TOP2B: variants seen among roughly 807,000 people sequenced by gnomAD.
The protein encoded by TOP2B is DNA topoisomerase 2-beta.
A neutral mutation model predicts 193.5 loss-of-function variants in TOP2B; 51 were observed. That is an observed-to-expected ratio of 0.26 (90% CI 0.21 to 0.33). The LOEUF (loss-of-function observed/expected upper bound fraction) is 0.33, where lower values mean the gene tolerates loss of function less well. TOP2B is among the 10% of genes least tolerant of loss of function. TOP2B has a pLI of 1.00. For synonymous variants in TOP2B, 634 were observed against 635.7 expected (o/e 1.00, Z 0.04); for missense variants, 1,378 against 1,909.3 (o/e 0.72, Z 5.19).
rs1334572390 is a variant in TOP2B, at chr3:25,658,060, C to CA, written c.69+6168dup. Among the ~76,000 whole-genome samples, 299 of 44,764 alleles carry CA rather than the reference C, an allele frequency of 6.7e-3. 26 individuals are homozygous for CA. The highest frequency in any genetic ancestry group is 0.032 in the South Asian group (47 of 1,448). 29.4% of individuals were successfully genotyped at this position (44,764 alleles called of 152,430 possible). ...TGGGCGACAGAGCGAGACTCCGTCT[C>CA]AAAAAAAAAAAAAAAAAATTAGCTG... On this transcript the variant is annotated intron_variant, in intron 1 of 35. Transcript: ENST00000264331.
chr3:25,645,309 T>A lies in TOP2B; in HGVS notation c.231A>T (p.Pro77=), dbSNP rs1342458064. The A allele has an allele frequency of 2.5e-6, 4 of 1,578,156 alleles. No homozygotes were observed. The highest frequency in any genetic ancestry group is 2.6e-6 in the Non-Finnish European group (3 of 1,160,694). ...TTTTAGCAATAATTACCTGCGTCAATGGCTCCACTGACCCAATATATGTAT... is the reference window on the plus strand; with the variant it reads ...TTTTAGCAATAATTACCTGCGTCAAAGGCTCCACTGACCCAATATATGTAT... ...RPDTYIGSVE[P]LTQFMWVYDE... The change falls in exon 2 of 36, where the codon CCA becomes CCT. Residue 77 remains proline, a synonymous_variant. Coordinates refer to ENST00000264331, the MANE Select transcript of TOP2B (RefSeq NM_001330700.2).
intron 25 of TOP2B, among the ~76,000 whole-genome samples, chr3:25,616,585 G>A (rs1044519666): frequency 2.6e-5 from 4 of 151,858 alleles, no homozygotes; most frequent in African/African-American, 4.8e-5. Context: ...AGCCAAATAC[G>A]GAATGCTATT....
At chr3:25,656,245 T>G (rs987123677) in intron 1 of TOP2B, among the ~76,000 whole-genome samples, 3 of 152,174 alleles carry the variant, frequency 2.0e-5, no homozygotes, top group Admixed American at 1.3e-4. Flanking sequence ...ACATTATTTA[T>G]AGAATACAAT....
intron 25 of TOP2B, among the ~76,000 whole-genome samples, chr3:25,617,261 GAAAGGCA>G (rs1025814005): frequency 1.8e-4 from 28 of 152,114 alleles, no homozygotes; most frequent in African/African-American, 6.3e-4. Context: ...CGGTGATACA[GAAAGGCA>G]AAAGGCAAGT....
chr3:25,603,742 G>C (rs1432586832), intron 33 of TOP2B, among the ~76,000 whole-genome samples: 1 of 152,204 alleles, frequency 6.6e-6, no homozygotes, highest in Non-Finnish European at 1.5e-5. Context: ...CATCACTCTA[G>C]GAGCTTAATT....
intron 18 of TOP2B, among the ~76,000 whole-genome samples, chr3:25,625,801 G>A (rs903343574): frequency 2.0e-5 from 3 of 152,160 alleles, no homozygotes; most frequent in African/African-American, 7.2e-5. Context: ...GTAAAAACAT[G>A]AGGATGATAA....
chr3:25,608,399 T>G (rs1157322535), intron 30 of TOP2B, among the ~76,000 whole-genome samples: 1 of 152,240 alleles, frequency 6.6e-6, no homozygotes, highest in Non-Finnish European at 1.5e-5. Flanking sequence ...AAGCATTTAA[T>G]GTAATAAACC....
At position 25,618,807 on chromosome 3, in the gene TOP2B, C is replaced by T. The variant is rs766308401; in HGVS notation, c.3106G>A (p.Val1036Met). 1 of 1,610,066 alleles carries T rather than the reference C, an allele frequency of 6.2e-7. No individual in the cohort carries two copies. Residue 1036 changes from valine to methionine, a missense_variant, in exon 24 of 36, where the codon GTG becomes ATG. This residue lies in a region of TOP2B where 379 missense variants were observed against 615.1 expected (regional missense o/e 0.62). Coordinates refer to ENST00000264331, the MANE Select transcript of TOP2B (RefSeq NM_001330700.2). Reference protein sequence around the residue: ...HMGCLKKYETVQDILKEFFDL... With the variant: ...HMGCLKKYETMQDILKEFFDL... ...AAGAATTCTTTCAGAATGTCTTGCA[C>T]AGTTTCATATTTCTTCAGACATCCC...
At position 25,620,701 on chromosome 3, in the gene TOP2B, G is replaced by A; in HGVS notation, c.2843C>T (p.Pro948Leu). The stretch of plus-strand genomic sequence containing the variant: ...ACTGACCTGTGTCCAAGTTCTAACT[G>A]GAAGCTCTGTAATTTCTACTGTGTT... ...DRNTVEITEL[P>L]VRTWTQVYKE... is the part of the protein sequence containing the mutation. The change falls in exon 22 of 36, where the codon CCA becomes CTA. Residue 948 changes from proline to leucine, a missense_variant. Transcript: ENST00000264331. The A allele has an allele frequency of 6.2e-7, 1 of 1,612,400 alleles. No homozygotes were observed. Among genetic ancestry groups the A allele is most frequent in the Non-Finnish European group, 8.5e-7 (1 of 1,179,136 alleles).
chr3:25,649,323 C>T (rs1322197333), intron 1 of TOP2B, among the ~76,000 whole-genome samples: 1 of 151,968 alleles, frequency 6.6e-6, no homozygotes, highest in Non-Finnish European at 1.5e-5. Flanking sequence ...GGAGAAAGAG[C>T]CTATTTGAAG....
In TOP2B at chr3:25,624,816, G is replaced by C; in HGVS notation, c.2225-13C>G. 2 of 1,608,390 alleles carry C rather than the reference G, an allele frequency of 1.2e-6. No individual in the cohort carries two copies. The highest frequency in any genetic ancestry group is 1.7e-6 in the Non-Finnish European group (2 of 1,177,708). On this transcript the variant is annotated splice_polypyrimidine_tract_variant and intron_variant, in intron 18 of 35. Coordinates refer to ENST00000264331, the MANE Select transcript of TOP2B (RefSeq NM_001330700.2). Reference sequence around the variant, plus strand: ...CCAGGTTTAAAGCCTATTTTTAAAAGAGCTCTTTTAAAATGTTACTTCAAG... The same window carrying C: ...CCAGGTTTAAAGCCTATTTTTAAAACAGCTCTTTTAAAATGTTACTTCAAG...
Position 25,628,870 on chromosome 3 carries a change from G to A in TOP2B, c.1883C>T (p.Ala628Val). ...EWKKHIENQKAWKIKYYKGLG... is the reference protein window; with the variant it reads ...EWKKHIENQKVWKIKYYKGLG... ...ACCTTTATAGTACTTTATTTTCCAGGCTTTCTGGTTTTCTATATGTTTTTT... is the reference window on the plus strand; with the variant it reads ...ACCTTTATAGTACTTTATTTTCCAGACTTTCTGGTTTTCTATATGTTTTTT... The change falls in exon 15 of 36, where the codon GCC (alanine) becomes GTC (valine). Residue 628 changes from alanine to valine, a missense_variant. By Grantham distance (64) the Ala-to-Val change is moderately conservative. Coordinates refer to ENST00000264331, the MANE Select transcript of TOP2B (RefSeq NM_001330700.2). 3 of 1,579,504 alleles carry A rather than the reference G, an allele frequency of 1.9e-6. No homozygotes were observed. The highest frequency in any genetic ancestry group is 2.6e-6 in the Non-Finnish European group (3 of 1,163,282).
At chr3:25,638,066 T>C (rs1703152901) in intron 5 of TOP2B, 99 bp downstream of exon 5, 3 of 1,095,188 alleles carry the variant, frequency 2.7e-6, no homozygotes, top group South Asian at 1.6e-5. Context: ...ATTCTGACAA[T>C]GATTTTCTCA....
chr3:25,652,709 T>G (rs977350353), intron 1 of TOP2B, among the ~76,000 whole-genome samples: 1 of 151,698 alleles, frequency 6.6e-6, no homozygotes, highest in African/African-American at 2.4e-5. Flanking sequence ...TCAGTAAAGA[T>G]CTCGAATTAA....
chr3:25,640,869 G>A (rs1031947838), intron 4 of TOP2B, among the ~76,000 whole-genome samples: 5 of 144,018 alleles, frequency 3.5e-5, no homozygotes, highest in Admixed American at 7.3e-5. Flanking sequence ...CAATCCTCCC[G>A]CCTCAGCCTC....
At chr3:25,638,024 C>T in intron 5 of TOP2B, 141 bp downstream of exon 5, 1 of 832,922 alleles carries the variant, frequency 1.2e-6, no homozygotes, top group Non-Finnish European at 1.8e-6. Context: ...ATTACCAAGA[C>T]AATATTTATA....
chr3:25,599,328 T>TG (rs1702024154), intron 35 of TOP2B, 107 bp downstream of exon 35: 1 of 917,184 alleles, frequency 1.1e-6, no homozygotes, highest in East Asian at 2.7e-5. Context: ...TGATACGAGA[T>TG]GCTAGGTGGA....
At chr3:25,642,787 G>A (rs892268778) in intron 3 of TOP2B, among the ~76,000 whole-genome samples, 6 of 152,066 alleles carry the variant, frequency 3.9e-5, no homozygotes, top group African/African-American at 9.7e-5. Context: ...GACTTTATAG[G>A]CATATTGAAT....
intron 1 of TOP2B, among the ~76,000 whole-genome samples, chr3:25,645,926 ATTTTT>A (rs756446533): frequency 7.1e-6 from 1 of 140,502 alleles, no homozygotes; most frequent in Admixed American, 7.1e-5. Flanking sequence ...TGCCCAGGTA[ATTTTT>A]TTTTTTTTTT....
Sources: gnomAD v4.1 joint callset for allele counts (sites outside exome capture counted in the v4.1 genomes callset) on GRCh38, gnomAD v4.1.1 for gene constraint, gnomAD v4.1.1 regional missense constraint, MANE v1.5 for transcripts, NCBI Gene and HGNC (gene_info 2026-07-23, HGNC 2026-07-21) for gene names.